TMEM217B: variants seen among roughly 807,000 people sequenced by gnomAD.
TMEM217B encodes putative transmembrane protein 217B.
chr6:37,250,314 TG>T, the TMEM217B span, among the ~76,000 whole-genome samples: 75 of 152,292 alleles, frequency 4.9e-4, no homozygotes, highest in Non-Finnish European at 9.9e-4. Flanking sequence ...TCTAAGGTAT[TG>T]GTAATATCCT....
At chr6:37,223,971 T>C in the TMEM217B span, among the ~76,000 whole-genome samples, 5 of 145,468 alleles carry the variant, frequency 3.4e-5, no homozygotes, top group Admixed American at 3.5e-4. Context: ...AGGATCTCAC[T>C]CTGTCACCAG....
chr6:37,250,736 A>G, the TMEM217B span, among the ~76,000 whole-genome samples: 1 of 152,250 alleles, frequency 6.6e-6, no homozygotes, highest in Non-Finnish European at 1.5e-5. Flanking sequence ...TGTAAGTGTA[A>G]AAAAGCTGGG....
At chr6:37,219,334 C>T in the TMEM217B span, among the ~76,000 whole-genome samples, 1 of 152,160 alleles carries the variant, frequency 6.6e-6, no homozygotes, top group Admixed American at 6.5e-5. Flanking sequence ...CCACCACAGA[C>T]CAATCACAAC....
chr6:37,250,483 T>C, the TMEM217B span, among the ~76,000 whole-genome samples: 1 of 152,262 alleles, frequency 6.6e-6, no homozygotes, highest in African/African-American at 2.4e-5. Context: ...CTCACACTCA[T>C]TGCTGTGAGG....
chr6:37,238,170 A>AG, the TMEM217B span, among the ~76,000 whole-genome samples: 1 of 151,778 alleles, frequency 6.6e-6, no homozygotes, highest in South Asian at 2.1e-4. Flanking sequence ...AAACACTGAA[A>AG]AAAAAAAACC....
chr6:37,236,788 T>G, the TMEM217B span, among the ~76,000 whole-genome samples: 16 of 152,334 alleles, frequency 1.1e-4, no homozygotes, highest in South Asian at 4.1e-4. Context: ...ACAGTTAGCT[T>G]AATTTTGTAC....
At chr6:37,229,719 A>G in the TMEM217B span, among the ~76,000 whole-genome samples, 1 of 152,178 alleles carries the variant, frequency 6.6e-6, no homozygotes, top group Non-Finnish European at 1.5e-5. Context: ...ACAGCCATCT[A>G]TAGATTTAAT....
At chr6:37,246,611 A>C in the TMEM217B span, among the ~76,000 whole-genome samples, 2 of 152,106 alleles carry the variant, frequency 1.3e-5, no homozygotes, top group Non-Finnish European at 2.9e-5. Flanking sequence ...AATTAAATAG[A>C]CATTTCTCAG....
the TMEM217B span, among the ~76,000 whole-genome samples, chr6:37,238,716 A>G: frequency 2.0e-5 from 3 of 152,260 alleles, no homozygotes; most frequent in Non-Finnish European, 2.9e-5. Context: ...AGCAACAAGC[A>G]TGAAGACAAA....
At chr6:37,243,777 G>T in the TMEM217B span, among the ~76,000 whole-genome samples, 8 of 152,122 alleles carry the variant, frequency 5.3e-5, no homozygotes, top group Non-Finnish European at 7.4e-5. Context: ...GTTTTTCGAG[G>T]ATAGTTTGGT....
At chr6:37,223,725 T>G in the TMEM217B span, among the ~76,000 whole-genome samples, 1 of 152,240 alleles carries the variant, frequency 6.6e-6, no homozygotes, top group East Asian at 1.9e-4. Flanking sequence ...GTCAGGCTGC[T>G]CTCAAACTCC....
chr6:37,249,959 G>T, the TMEM217B span, among the ~76,000 whole-genome samples: 12 of 152,332 alleles, frequency 7.9e-5, no homozygotes, highest in Middle Eastern at 3.4e-3. Context: ...ACATAAGAAA[G>T]TTTGTAGCAG....
At chr6:37,214,123 T>C in the TMEM217B span, among the ~76,000 whole-genome samples, 3 of 152,236 alleles carry the variant, frequency 2.0e-5, no homozygotes, top group Non-Finnish European at 2.9e-5. Context: ...ATACAGAATG[T>C]AAAATTCACC....
the TMEM217B span, among the ~76,000 whole-genome samples, chr6:37,240,562 C>T: frequency 6.6e-6 from 1 of 152,148 alleles, no homozygotes; most frequent in Non-Finnish European, 1.5e-5. Flanking sequence ...TGATATCCAT[C>T]ACTTCAGCTA....
chr6:37,234,809 T>C, the TMEM217B span, among the ~76,000 whole-genome samples: 20 of 151,590 alleles, frequency 1.3e-4, no homozygotes, highest in African/African-American at 4.9e-4. Flanking sequence ...GGAGGGGAAA[T>C]AGAAGAACTG....
At chr6:37,218,172 T>C in the TMEM217B span, 1 of 1,053,136 alleles carries the variant, frequency 9.5e-7, no homozygotes, top group Non-Finnish European at 1.2e-6. Flanking sequence ...CTGCTAACTT[T>C]TTTTTTTTTT....
chr6:37,227,171 C>T, the TMEM217B span, among the ~76,000 whole-genome samples: 2 of 152,250 alleles, frequency 1.3e-5, no homozygotes, highest in African/African-American at 4.8e-5. Context: ...ATCCACTGAG[C>T]CCAGAGACTC....
chr6:37,257,922 C>A, the TMEM217B span: 2 of 1,613,816 alleles, frequency 1.2e-6, no homozygotes, highest in Non-Finnish European at 1.7e-6. Flanking sequence ...AGAGCAATGG[C>A]CGCTGAGAAC....
chr6:37,229,897 T>C, the TMEM217B span, among the ~76,000 whole-genome samples: 17 of 152,362 alleles, frequency 1.1e-4, no homozygotes, highest in African/African-American at 2.9e-4. Flanking sequence ...TGGTGGTTTC[T>C]CTGCTCCAGG....
Sources: allele counts gnomAD v4.1 joint callset (sites outside exome capture counted in the v4.1 genomes callset), GRCh38; gene constraint gnomAD v4.1.1; transcripts MANE v1.5; gene names NCBI Gene and HGNC (gene_info 2026-07-23, HGNC 2026-07-21).